Variants in ATP9B observed in about 807,000 individuals in gnomAD.
The protein encoded by ATP9B is ATPase phospholipid transporting 9B.
In ATP9B, 110 loss-of-function variants were observed where a neutral mutation model predicts 146.1. The observed-to-expected ratio is 0.75, with a 90% CI of 0.65 to 0.88. ATP9B has a LOEUF of 0.88. Ranked by LOEUF, ATP9B falls within the 40% of genes least tolerant of loss-of-function variation. ATP9B has a pLI of 0.00. For missense variants in ATP9B, 1,499 were observed against 1,496.4 expected, an observed-to-expected ratio of 1.00 and a Z score of -0.03; for synonymous variants, 604 against 569.7, an observed-to-expected ratio of 1.06 and a Z score of -0.86.
chr18:79,234,626 CTGTGGGTGTGCTGCTGTGGGCGTGCTTCG>C (rs2095823499), intron 11 of ATP9B, among the ~76,000 whole-genome samples: 1 of 149,758 alleles, frequency 6.7e-6, no homozygotes, highest in African/African-American at 2.5e-5. Context: ...GGCCTGCTTG[CTGTGGGTGTGCTGCTGTGGGCGTGCTTCG>C]TGTGGGTGTG....
intron 2 of ATP9B, among the ~76,000 whole-genome samples, chr18:79,109,659 G>A (rs190178882): frequency 1.4e-3 from 210 of 150,996 alleles, no homozygotes; most frequent in African/African-American, 4.9e-3. Context: ...TCTGCCTCCC[G>A]GGTTCAAGCT....
At chr18:79,143,745 T>C in intron 5 of ATP9B, 57 bp from the exon 6 acceptor site, 2 of 1,117,406 alleles carry the variant, frequency 1.8e-6, no homozygotes, top group Non-Finnish European at 2.5e-6. Flanking sequence ...TAATTGAAAG[T>C]TGAACTTGGG....
At position 79,374,008 on chromosome 18, in the gene ATP9B, ACC is replaced by A; in HGVS notation, c.3182_3183del (p.Thr1061SerfsTer28). The A allele has an allele frequency of 6.2e-7, 1 of 1,614,142 alleles. No individual in the cohort carries two copies. The highest frequency in any genetic ancestry group is 1.1e-5 in the South Asian group (1 of 91,076). On this transcript the variant is annotated frameshift_variant, in exon 28 of 30. Coordinates refer to ENST00000426216, the MANE Select transcript of ATP9B (RefSeq NM_198531.5). LOFTEE classifies it high-confidence loss of function. ...GACCGAGCTGCTGATGGTGGCGCTG[ACC>A]GTCCGCACGTGGCACTGGCTGATGG... The part of the protein sequence containing the change: ...ILTELLMVAL[T>X]VRTWHWLMVV...
chr18:79,190,144 G>T (rs2148110509), intron 8 of ATP9B, among the ~76,000 whole-genome samples: 1 of 152,278 alleles, frequency 6.6e-6, no homozygotes, highest in East Asian at 1.9e-4. Context: ...AGGATCATTA[G>T]CAAGTCACTC....
intron 1 of ATP9B, among the ~76,000 whole-genome samples, chr18:79,075,508 T>G (rs2072495907): frequency 6.6e-6 from 1 of 152,228 alleles, no homozygotes; most frequent in Admixed American, 6.5e-5. Flanking sequence ...CATACACATT[T>G]GAGATTCCTG....
chr18:79,133,298 C>T (rs1243530421), intron 5 of ATP9B, among the ~76,000 whole-genome samples: 3 of 152,126 alleles, frequency 2.0e-5, no homozygotes, highest in African/African-American at 7.2e-5. Flanking sequence ...CAGTATACAT[C>T]CTGGTATTAG....
chr18:79,087,741 T>TAACTTATGTGC (rs1281153673), intron 1 of ATP9B: 1 of 152,250 alleles, frequency 6.6e-6, no homozygotes, highest in Non-Finnish European at 1.5e-5. Flanking sequence ...AACTTATGTG[T>TAACTTATGTGC]AACTTATGTG....
intron 1 of ATP9B, among the ~76,000 whole-genome samples, chr18:79,079,884 C>T (rs1285599920): frequency 1.3e-5 from 2 of 152,216 alleles, no homozygotes; most frequent in East Asian, 3.8e-4. Flanking sequence ...GTTTTCCCAA[C>T]ACCATTTATT....
At chr18:79,091,423 A>AT (rs774728375) in intron 1 of ATP9B, among the ~76,000 whole-genome samples, 3 of 152,044 alleles carry the variant, frequency 2.0e-5, no homozygotes, top group Non-Finnish European at 2.9e-5. Flanking sequence ...TACATGGAAT[A>AT]TTTTTTCATT....
intron 15 of ATP9B, among the ~76,000 whole-genome samples, chr18:79,323,816 A>G (rs1193113058): frequency 6.6e-6 from 1 of 152,148 alleles, no homozygotes; most frequent in South Asian, 2.1e-4. Context: ...TTTGGGGGAT[A>G]TTCCCAGGCG....
chr18:79,086,334 G>A (rs1038445724), intron 1 of ATP9B: 4 of 146,642 alleles, frequency 2.7e-5, no homozygotes, highest in African/African-American at 1.0e-4. Context: ...TACTCAGGAA[G>A]CTGAGTCAGA....
chr18:79,256,885 T>C (rs1461797336), intron 12 of ATP9B, among the ~76,000 whole-genome samples: 1 of 152,194 alleles, frequency 6.6e-6, no homozygotes, highest in African/African-American at 2.4e-5. Flanking sequence ...ATCAGTCTTT[T>C]TTCAAAAAGG....
At chr18:79,330,544 C>G (rs1161267280) in intron 17 of ATP9B, among the ~76,000 whole-genome samples, 1 of 152,040 alleles carries the variant, frequency 6.6e-6, no homozygotes, top group Non-Finnish European at 1.5e-5. Context: ...TCCCAAGTAG[C>G]TGGGACTACA....
At chr18:79,081,484 T>A (rs1396657154) in intron 1 of ATP9B, among the ~76,000 whole-genome samples, 1 of 151,772 alleles carries the variant, frequency 6.6e-6, no homozygotes, top group Non-Finnish European at 1.5e-5. Context: ...TTATTGTGTC[T>A]ATTTGATTCT....
chr18:79,281,857 C>T (rs2096380630), intron 13 of ATP9B, among the ~76,000 whole-genome samples: 2 of 152,234 alleles, frequency 1.3e-5, no homozygotes, highest in African/African-American at 2.4e-5. Context: ...AACCCTGTCT[C>T]TACTAATGGA....
chr18:79,368,324 G>A (rs7232241), intron 26 of ATP9B, among the ~76,000 whole-genome samples: 58,707 of 152,164 alleles, frequency 0.39, 11,517 homozygotes, highest in Middle Eastern at 0.54. Flanking sequence ...CTGGAAGGTC[G>A]AGGCTGCGGT....
intron 4 of ATP9B, among the ~76,000 whole-genome samples, chr18:79,122,191 CT>C (rs1296842854): frequency 6.6e-6 from 1 of 152,102 alleles, no homozygotes; most frequent in Non-Finnish European, 1.5e-5. Context: ...AAAATATTGT[CT>C]ATACTATATA....
At chr18:79,229,941 A>G (rs2095774363) in intron 11 of ATP9B, among the ~76,000 whole-genome samples, 1 of 152,258 alleles carries the variant, frequency 6.6e-6, no homozygotes, top group East Asian at 1.9e-4. Context: ...TTGTAACTAC[A>G]TGTCCTGTTT....
chr18:79,109,727 G>C (rs2075878867), intron 2 of ATP9B, among the ~76,000 whole-genome samples: 1 of 151,974 alleles, frequency 6.6e-6, no homozygotes, highest in African/African-American at 2.4e-5. Context: ...CACCATGGCT[G>C]GCTAATTTTT....
Sources: allele counts gnomAD v4.1 joint callset (sites outside exome capture counted in the v4.1 genomes callset), GRCh38; gene constraint gnomAD v4.1.1; transcripts MANE v1.5; gene names NCBI Gene and HGNC (gene_info 2026-07-23, HGNC 2026-07-21).